DOCK3: variants seen among roughly 807,000 people sequenced by gnomAD.
DOCK3 encodes dedicator of cytokinesis protein 3.
A neutral mutation model predicts 265.6 loss-of-function variants in DOCK3; 60 were observed. That is an observed-to-expected ratio of 0.23 (90% confidence interval 0.18 to 0.28). The LOEUF (loss-of-function observed/expected upper bound fraction) is 0.28. Among genes scored for constraint, DOCK3 ranks in the 10% least tolerant of loss-of-function variants. DOCK3 has a pLI of 1.00. For synonymous variants in DOCK3, 881 were observed against 938.0 expected, an observed-to-expected ratio of 0.94 and a Z score of 1.11; for missense variants, 1,981 against 2,594.3, an observed-to-expected ratio of 0.76 and a Z score of 5.14.
intron 2 of DOCK3, among the ~76,000 whole-genome samples, chr3:50,820,780 A>G (rs2044363074): frequency 6.6e-6 from 1 of 152,050 alleles, no homozygotes; most frequent in South Asian, 2.1e-4. Flanking sequence ...ATTCCCATCA[A>G]AAAGTGTATA....
chr3:51,261,915 CAG>C lies in DOCK3; in HGVS notation c.2355+1590_2355+1591del, dbSNP rs2079872372. ...CTGAAAGAAAGACAGCAGGCCCAGT[CAG>C]GGGCTTCTAGATCCAACTCCCATCT... is the stretch of plus-strand genomic sequence containing the variant. On this transcript the variant is annotated intron_variant, in intron 23 of 52. Transcript: ENST00000266037. Among the ~76,000 whole-genome samples the C allele has an allele frequency of 2.0e-5, 3 of 152,306 alleles. No individual in the cohort carries two copies. The South Asian group carries it at 6.2e-4, about 32-fold the overall frequency.
chr3:50,868,604 G>A (rs2047262206), intron 3 of DOCK3, among the ~76,000 whole-genome samples: 1 of 152,032 alleles, frequency 6.6e-6, no homozygotes, highest in African/African-American at 2.4e-5. Context: ...AAACTCCTGG[G>A]CTCAAGTGAT....
intron 3 of DOCK3, among the ~76,000 whole-genome samples, chr3:50,852,557 ATTTGT>A (rs2046393088): frequency 1.3e-5 from 2 of 151,830 alleles, no homozygotes; most frequent in Admixed American, 1.3e-4. Flanking sequence ...ACATTTTTGG[ATTTGT>A]TTTAATTAAT....
At chr3:50,848,962 A>G (rs2046225882) in intron 3 of DOCK3, among the ~76,000 whole-genome samples, 1 of 152,074 alleles carries the variant, frequency 6.6e-6, no homozygotes, top group Admixed American at 6.6e-5. Context: ...ACATAATCCC[A>G]TATTTGTTGA....
At chr3:51,087,683 A>G (rs2082477294) in intron 7 of DOCK3, among the ~76,000 whole-genome samples, 1 of 152,220 alleles carries the variant, frequency 6.6e-6, no homozygotes, top group Admixed American at 6.5e-5. Flanking sequence ...GAAAGGTAGA[A>G]GTCAAATTGT....
intron 5 of DOCK3, among the ~76,000 whole-genome samples, chr3:50,963,639 A>G (rs1317023116): frequency 6.6e-6 from 1 of 152,218 alleles, no homozygotes; most frequent in Non-Finnish European, 1.5e-5. Flanking sequence ...CAGATAAAAT[A>G]TACTAAATAA....
chr3:50,820,058 C>T (rs2044316598), intron 2 of DOCK3, among the ~76,000 whole-genome samples: 1 of 152,166 alleles, frequency 6.6e-6, no homozygotes, highest in Non-Finnish European at 1.5e-5. Context: ...CAGGAACTCC[C>T]CACCCCTTTC....
intron 5 of DOCK3, among the ~76,000 whole-genome samples, chr3:51,017,583 T>G (rs2079403706): frequency 6.6e-6 from 1 of 151,928 alleles, no homozygotes; most frequent in Admixed American, 6.6e-5. Flanking sequence ...CAAGAAAATT[T>G]TCAATTTCCT....
intron 5 of DOCK3, among the ~76,000 whole-genome samples, chr3:51,049,629 C>T (rs550617578): frequency 6.6e-6 from 1 of 152,120 alleles, no homozygotes; most frequent in South Asian, 2.1e-4. Context: ...AATTTTGGAG[C>T]ATTTTGGATT....
intron 9 of DOCK3, among the ~76,000 whole-genome samples, chr3:51,123,724 G>A (rs76636344): frequency 6.6e-6 from 1 of 152,288 alleles, no homozygotes; most frequent in East Asian, 1.9e-4. Flanking sequence ...TGTCACATGG[G>A]CACCCTCTGT....
At chr3:50,799,912 A>C (rs1220156591) in intron 2 of DOCK3, among the ~76,000 whole-genome samples, 1 of 152,050 alleles carries the variant, frequency 6.6e-6, no homozygotes, top group Non-Finnish European at 1.5e-5. Flanking sequence ...TCATGAAGGG[A>C]TGTTGAATTT....
intron 24 of DOCK3, among the ~76,000 whole-genome samples, chr3:51,271,783 G>A (rs970656312): frequency 1.1e-4 from 16 of 151,706 alleles, no homozygotes; most frequent in East Asian, 1.9e-4. Context: ...CCCAGGAGGC[G>A]GAGGTGGCAG....
intron 12 of DOCK3, among the ~76,000 whole-genome samples, chr3:51,170,673 G>A (rs896300697): frequency 3.3e-5 from 5 of 152,190 alleles, no homozygotes; most frequent in East Asian, 3.9e-4. Flanking sequence ...AGCCGGGCGC[G>A]GTGGCTCACG....
At chr3:51,015,452 C>A (rs943318694) in intron 5 of DOCK3, among the ~76,000 whole-genome samples, 2 of 151,336 alleles carry the variant, frequency 1.3e-5, no homozygotes, top group Non-Finnish European at 2.9e-5. Context: ...ATATTTTGAA[C>A]CATCCTTGAA....
At chr3:51,350,464 C>T in intron 40 of DOCK3, 72 bp downstream of exon 40, 3 of 1,526,046 alleles carry the variant, frequency 2.0e-6, no homozygotes, top group Non-Finnish European at 2.7e-6. Flanking sequence ...ATATTCTTTT[C>T]TTCCCCTTTT....
At chr3:51,320,662 A>G (rs1264463979) in intron 32 of DOCK3, among the ~76,000 whole-genome samples, 1 of 152,102 alleles carries the variant, frequency 6.6e-6, no homozygotes, top group Admixed American at 6.5e-5. Context: ...GCCATTGCTG[A>G]GGCTTGAGTA....
intron 27 of DOCK3, among the ~76,000 whole-genome samples, chr3:51,284,980 G>A (rs1424917055): frequency 2.0e-5 from 3 of 152,170 alleles, no homozygotes; most frequent in Non-Finnish European, 4.4e-5. Context: ...AAATGCCCAT[G>A]TTCAGCTTTA....
intron 4 of DOCK3, 64 bp downstream of exon 4, chr3:50,890,145 T>TC: frequency 7.8e-7 from 1 of 1,288,722 alleles, no homozygotes; most frequent in African/African-American, 1.6e-5. Context: ...AGATTGTTTT[T>TC]CCTTTTGGTT....
chr3:50,976,979 T>TG (rs2077475346), intron 5 of DOCK3, among the ~76,000 whole-genome samples: 2 of 150,098 alleles, frequency 1.3e-5, no homozygotes, highest in African/African-American at 4.9e-5. Context: ...TGCCTTTTTT[T>TG]GTTTTCCATT....
Sources: allele counts gnomAD v4.1 joint callset (sites outside exome capture counted in the v4.1 genomes callset), GRCh38; gene constraint gnomAD v4.1.1; transcripts MANE v1.5; gene names NCBI Gene and HGNC (gene_info 2026-07-23, HGNC 2026-07-21).